PTPRD: variants seen among roughly 807,000 people sequenced by gnomAD.
PTPRD encodes the protein receptor-type tyrosine-protein phosphatase delta.
PTPRD carries 34 observed loss-of-function variants against 214.5 expected under a neutral mutation model. That is an observed-to-expected ratio of 0.16 (90% CI 0.12 to 0.21). The LOEUF (loss-of-function observed/expected upper bound fraction) is 0.21, where lower values mean the gene tolerates loss of function less well. Among genes scored for constraint, PTPRD ranks in the 10% least tolerant of loss-of-function variants. The pLI, the probability that PTPRD is intolerant of heterozygous loss-of-function variation, is 1.00. For synonymous variants in PTPRD, 1,128 were observed against 845.7 expected, an observed-to-expected ratio of 1.33 and a Z score of -5.79; for missense variants, 2,545 against 2,398.7, an observed-to-expected ratio of 1.06 and a Z score of -1.27.
intron 5 of PTPRD, among the ~76,000 whole-genome samples, chr9:9,794,597 G>C (rs182346844): frequency 3.3e-5 from 5 of 152,132 alleles, no homozygotes; most frequent in Non-Finnish European, 5.9e-5. Flanking sequence ...GATGAGTCTT[G>C]ATGATAATCA....
intron 12 of PTPRD, among the ~76,000 whole-genome samples, chr9:8,702,739 C>G (rs2098117455): frequency 6.6e-6 from 1 of 152,114 alleles, no homozygotes; most frequent in Admixed American, 6.5e-5. Flanking sequence ...TCCCCAGTAG[C>G]TGGGATTACA....
chr9:10,125,018 A>G (rs1433659339), intron 3 of PTPRD, among the ~76,000 whole-genome samples: 1 of 152,192 alleles, frequency 6.6e-6, no homozygotes, highest in Non-Finnish European at 1.5e-5. Context: ...AAAATACATC[A>G]AAGCAATGAC....
intron 8 of PTPRD, among the ~76,000 whole-genome samples, chr9:9,421,418 G>C (rs1442956812): frequency 1.3e-5 from 2 of 152,030 alleles, no homozygotes. Context: ...GAAAGACTAA[G>C]ACTGACTAAA....
intron 10 of PTPRD, among the ~76,000 whole-genome samples, chr9:9,149,678 T>A (rs529607650): frequency 1.3e-5 from 2 of 152,348 alleles, no homozygotes; most frequent in East Asian, 3.9e-4. Context: ...TAAAGTTATC[T>A]CACTTAGATT....
intron 2 of PTPRD, among the ~76,000 whole-genome samples, chr9:10,479,651 A>AC (rs757248833): frequency 0.026 from 3,640 of 140,002 alleles, 82 homozygotes; most frequent in Non-Finnish European, 0.037. Flanking sequence ...ATAAATAAAT[A>AC]AATAAATAAA....
At chr9:9,619,924 TATAG>T (rs2095140905) in intron 7 of PTPRD, among the ~76,000 whole-genome samples, 1 of 150,990 alleles carries the variant, frequency 6.6e-6, no homozygotes, top group South Asian at 2.1e-4. Context: ...ATATATGTAA[TATAG>T]ATAGATATTT....
At chr9:8,612,474 T>C (rs1307048227) in intron 14 of PTPRD, among the ~76,000 whole-genome samples, 1 of 152,126 alleles carries the variant, frequency 6.6e-6, no homozygotes, top group Non-Finnish European at 1.5e-5. Flanking sequence ...GGCTGTACAA[T>C]GGAGAAAGGA....
At chr9:9,413,648 T>C (rs1035632830) in intron 8 of PTPRD, among the ~76,000 whole-genome samples, 6 of 152,212 alleles carry the variant, frequency 3.9e-5, no homozygotes, top group East Asian at 1.9e-4. Context: ...GTTTATCAGC[T>C]GAACATTGGT....
At chr9:9,029,337 A>G (rs2099597266) in intron 10 of PTPRD, among the ~76,000 whole-genome samples, 1 of 151,862 alleles carries the variant, frequency 6.6e-6, no homozygotes, top group Non-Finnish European at 1.5e-5. Context: ...ATCAGACTAA[A>G]AAGTGCTGAT....
At chr9:9,316,148 T>A (rs1962918503) in intron 9 of PTPRD, among the ~76,000 whole-genome samples, 1 of 151,992 alleles carries the variant, frequency 6.6e-6, no homozygotes, top group Non-Finnish European at 1.5e-5. Flanking sequence ...TATACCACTA[T>A]AAAGTACGTT....
chr9:8,445,387 A>C (rs2133176168), intron 34 of PTPRD, among the ~76,000 whole-genome samples: 1 of 152,338 alleles, frequency 6.6e-6, no homozygotes. Flanking sequence ...CATGCAAAAT[A>C]CTTACAAGCT....
rs146650837 is a variant in PTPRD, at chr9:9,875,417, A to C, written c.-368+63090T>G. On this transcript the variant is annotated intron_variant, in intron 5 of 45. Coordinates refer to ENST00000381196, the MANE Select transcript of PTPRD (RefSeq NM_002839.4). ...AACTTTAAAAATACAAAGGCTGGAT[A>C]ATTTCAAGAACATTGAATATCTGTT... is the stretch of plus-strand genomic sequence containing the variant. Among the ~76,000 whole-genome samples the C allele has an allele frequency of 1.1e-4, 16 of 152,230 alleles. No homozygotes were observed. The East Asian group carries it at 3.1e-3, about 29-fold the overall frequency.
intron 5 of PTPRD, among the ~76,000 whole-genome samples, chr9:9,859,436 G>T (rs994257604): frequency 2.0e-5 from 3 of 152,098 alleles, no homozygotes; most frequent in African/African-American, 7.2e-5. Context: ...TCTTAGCTTT[G>T]TTTGTGGGTA....
intron 7 of PTPRD, among the ~76,000 whole-genome samples, chr9:9,591,385 G>A (rs182347882): frequency 6.6e-6 from 1 of 151,978 alleles, no homozygotes; most frequent in African/African-American, 2.4e-5. Flanking sequence ...CCAGCAAACT[G>A]TGTGAGCTTA....
chr9:9,523,373 G>T (rs945660960), intron 8 of PTPRD, among the ~76,000 whole-genome samples: 4 of 152,032 alleles, frequency 2.6e-5, no homozygotes, highest in Non-Finnish European at 5.9e-5. Flanking sequence ...TATTGGAGGG[G>T]AGATATTGGG....
At chr9:9,735,608 G>A (rs868295424) in intron 6 of PTPRD, among the ~76,000 whole-genome samples, 3 of 152,046 alleles carry the variant, frequency 2.0e-5, no homozygotes, top group Non-Finnish European at 2.9e-5. Flanking sequence ...AAATCATCCC[G>A]AAGGAAGCTA....
chr9:9,830,207 T>C (rs10816197), intron 5 of PTPRD, among the ~76,000 whole-genome samples: 1 of 151,750 alleles, frequency 6.6e-6, no homozygotes, highest in Non-Finnish European at 1.5e-5. Flanking sequence ...TAATCAAATA[T>C]TTTTAAAAAG....
chr9:10,529,151 T>G (rs1316567734), intron 2 of PTPRD, among the ~76,000 whole-genome samples: 1 of 152,130 alleles, frequency 6.6e-6, no homozygotes, highest in Non-Finnish European at 1.5e-5. Context: ...CTCTTTTAAA[T>G]GCAAGAACTC....
intron 2 of PTPRD, among the ~76,000 whole-genome samples, chr9:10,409,154 C>T (rs185385995): frequency 1.2e-4 from 18 of 151,786 alleles, no homozygotes; most frequent in Non-Finnish European, 1.0e-4. Context: ...GGCTACAACA[C>T]ACAAAATATC....
Sources: gnomAD v4.1 joint callset for allele counts (sites outside exome capture counted in the v4.1 genomes callset) on GRCh38, gnomAD v4.1.1 for gene constraint, MANE v1.5 for transcripts, NCBI Gene and HGNC (gene_info 2026-07-23, HGNC 2026-07-21) for gene names.